RGS6: variants seen among roughly 807,000 people sequenced by gnomAD.
The protein encoded by RGS6 is regulator of G protein signaling 6, also known as regulator of G-protein signaling 6.
RGS6 carries 30 observed loss-of-function variants against 78.5 expected under a neutral mutation model. The observed-to-expected ratio is 0.38, with a 90% confidence interval of 0.29 to 0.52. The LOEUF is 0.52. Ranked by LOEUF, RGS6 falls within the 20% of genes least tolerant of loss-of-function variation. The pLI is 0.85. For synonymous variants in RGS6, 206 were observed against 206.0 expected, an observed-to-expected ratio of 1.00 and a Z score of 0.00; for missense variants, 495 against 609.7, an observed-to-expected ratio of 0.81 and a Z score of 1.98.
chr14:72,228,207 C>T (rs1176774703), intron 2 of RGS6, among the ~76,000 whole-genome samples: 5 of 151,922 alleles, frequency 3.3e-5, no homozygotes, highest in South Asian at 2.1e-4. Context: ...GGTGAAACCC[C>T]GTATCCACTA....
chr14:72,083,536 G>A (rs1310429640), intron 2 of RGS6, among the ~76,000 whole-genome samples: 1 of 152,186 alleles, frequency 6.6e-6, no homozygotes, highest in Non-Finnish European at 1.5e-5. Flanking sequence ...CTAAGGAGGG[G>A]CTATGTGGAT....
intron 2 of RGS6, among the ~76,000 whole-genome samples, chr14:72,303,528 A>G (rs557841178): frequency 5.8e-4 from 88 of 152,284 alleles, no homozygotes; most frequent in Non-Finnish European, 8.4e-4. Flanking sequence ...CAAACAAATG[A>G]AAAACCAGCT....
intron 2 of RGS6, among the ~76,000 whole-genome samples, chr14:72,329,282 C>T (rs543886334): frequency 5.9e-5 from 9 of 152,380 alleles, no homozygotes; most frequent in Admixed American, 2.0e-4. Context: ...ACATGCTTCA[C>T]GGCGCTTCTT....
chr14:72,065,671 G>T (rs2094110075), intron 2 of RGS6, among the ~76,000 whole-genome samples: 1 of 152,174 alleles, frequency 6.6e-6, no homozygotes, highest in Non-Finnish European at 1.5e-5. Flanking sequence ...CTTTAACAAA[G>T]CTTCTCCTTA....
intron 2 of RGS6, among the ~76,000 whole-genome samples, chr14:72,336,810 A>G (rs942062648): frequency 3.9e-5 from 6 of 152,098 alleles, no homozygotes; most frequent in Non-Finnish European, 7.4e-5. Flanking sequence ...CGGGGCTGCC[A>G]GGAAAGGATC....
intron 2 of RGS6, among the ~76,000 whole-genome samples, chr14:72,225,484 T>C (rs2047911932): frequency 6.6e-6 from 1 of 152,024 alleles, no homozygotes; most frequent in African/African-American, 2.4e-5. Context: ...TCACCATGCC[T>C]GGCTAATTTT....
intron 2 of RGS6, among the ~76,000 whole-genome samples, chr14:72,180,360 C>T (rs534618437): frequency 6.6e-6 from 1 of 152,306 alleles, no homozygotes; most frequent in Admixed American, 6.5e-5. Flanking sequence ...ATAAGAGATG[C>T]TTAATCAATG....
At chr14:72,446,648 C>T (rs1299002029) in intron 3 of RGS6, among the ~76,000 whole-genome samples, 1 of 152,310 alleles carries the variant, frequency 6.6e-6, no homozygotes, top group East Asian at 1.9e-4. Flanking sequence ...TCTATTATTA[C>T]ATTATAACAT....
intron 2 of RGS6, among the ~76,000 whole-genome samples, chr14:72,045,626 G>C (rs890663659): frequency 6.6e-6 from 1 of 151,756 alleles, no homozygotes; most frequent in African/African-American, 2.4e-5. Flanking sequence ...GTAATCTTAG[G>C]ACTACATACC....
chr14:72,434,413 C>T (rs2094804867), intron 3 of RGS6, among the ~76,000 whole-genome samples: 1 of 152,206 alleles, frequency 6.6e-6, no homozygotes, highest in African/African-American at 2.4e-5. Context: ...GCAAAGTGTT[C>T]TGAGCACCCA....
At chr14:72,586,978 C>T in the RGS6 span, among the ~76,000 whole-genome samples, 1 of 152,130 alleles carries the variant, frequency 6.6e-6, no homozygotes, top group Non-Finnish European at 1.5e-5. Context: ...TGAATAGGAA[C>T]ATAATCCCCA....
the RGS6 span, among the ~76,000 whole-genome samples, chr14:71,875,557 A>G: frequency 6.6e-6 from 1 of 152,198 alleles, no homozygotes; most frequent in African/African-American, 2.4e-5. Flanking sequence ...TAGTCTTGCT[A>G]GCGGTCTATC....
chr14:72,200,316 C>T (rs17109000), intron 2 of RGS6, among the ~76,000 whole-genome samples: 6,750 of 152,302 alleles, frequency 0.044, 338 homozygotes, highest in African/African-American at 0.12. Flanking sequence ...CACCCGTCCG[C>T]CCTGCTTTTC....
intron 2 of RGS6, among the ~76,000 whole-genome samples, chr14:72,148,256 G>A (rs546970764): frequency 1.3e-5 from 2 of 152,002 alleles, no homozygotes; most frequent in Admixed American, 1.3e-4. Flanking sequence ...AATTATTTGG[G>A]TATGGTGATG....
At chr14:72,044,555 C>T (rs888988435) in intron 2 of RGS6, among the ~76,000 whole-genome samples, 1 of 152,148 alleles carries the variant, frequency 6.6e-6, no homozygotes, top group Non-Finnish European at 1.5e-5. Context: ...CATTCATCTG[C>T]TTCTGATCTT....
intron 2 of RGS6, among the ~76,000 whole-genome samples, chr14:72,104,417 G>T (rs150941086): frequency 4.4e-4 from 67 of 152,196 alleles, no homozygotes; most frequent in African/African-American, 1.5e-3. Context: ...CAAACATAAA[G>T]CTATGTATAA....
At chr14:71,926,460 T>G in the RGS6 span, among the ~76,000 whole-genome samples, 12,321 of 151,900 alleles carry the variant, frequency 0.081, 625 homozygotes, top group East Asian at 0.2. Context: ...GGTGCATGCC[T>G]GTAATCCCAG....
At position 72,285,254 on chromosome 14, in the gene RGS6, G is replaced by C. The variant is rs148533400; in HGVS notation, c.85-66841G>C. The stretch of plus-strand genomic sequence containing the variant: ...GGCCGGGGGCAGAATGATATGGTTT[G>C]GCTGTGTCCCCACCCAAATCTCATC... On this transcript the variant is annotated intron_variant, in intron 2 of 17. Transcript: ENST00000553525. Among the ~76,000 whole-genome samples the C allele has an allele frequency of 3.5e-3, 540 of 152,236 alleles. 3 individuals carry two copies. The highest frequency in any genetic ancestry group is 0.012 in the African/African-American group (503 of 41,538).
chr14:72,419,571 A>C (rs2094047995), intron 3 of RGS6, among the ~76,000 whole-genome samples: 1 of 152,226 alleles, frequency 6.6e-6, no homozygotes, highest in Non-Finnish European at 1.5e-5. Context: ...GTGTCTGTGC[A>C]CATGTGACTG....
Sources: allele counts gnomAD v4.1 joint callset (sites outside exome capture counted in the v4.1 genomes callset), GRCh38; gene constraint gnomAD v4.1.1; transcripts MANE v1.5; gene names NCBI Gene and HGNC (gene_info 2026-07-23, HGNC 2026-07-21).